Variants in TRRAP observed in about 807,000 individuals in gnomAD.
TRRAP encodes transformation/transcription domain-associated protein.
In TRRAP, 41 loss-of-function variants were observed where a neutral mutation model predicts 438.8. That is an observed-to-expected ratio of 0.09 (90% CI 0.07 to 0.12). The LOEUF is 0.12. Ranked by LOEUF, TRRAP falls within the 10% of genes least tolerant of loss-of-function variation. The pLI, the probability that TRRAP is intolerant of heterozygous loss-of-function variation, is 1.00. For missense variants in TRRAP, 3,122 were observed against 5,055.1 expected (o/e 0.62, Z 11.60); for synonymous variants, 1,994 against 1,962.9 (o/e 1.02, Z -0.42).
chr7:98,998,458 C>T (rs1289805603), intron 67 of TRRAP: 4 of 159,848 alleles, frequency 2.5e-5, no homozygotes, highest in African/African-American at 9.7e-5. Context: ...TGTAAATATC[C>T]TGTGAGGTTA....
chr7:98,918,763 G>A (rs191840811), intron 20 of TRRAP, among the ~76,000 whole-genome samples: 13 of 152,132 alleles, frequency 8.5e-5, no homozygotes, highest in African/African-American at 2.6e-4. Context: ...GTTTATTAAA[G>A]TTCATATGTT....
chr7:98,942,513 A>G (rs1554415890), intron 30 of TRRAP, among the ~76,000 whole-genome samples: 2 of 152,194 alleles, frequency 1.3e-5, no homozygotes, highest in Non-Finnish European at 1.5e-5. Flanking sequence ...AATTGTAGCT[A>G]CACACAGCAG....
At position 98,956,162 on chromosome 7, in the gene TRRAP, G is replaced by A. The variant is rs1554419703; in HGVS notation, c.5954G>A (p.Arg1985Gln). 1 of 1,612,058 alleles carries A rather than the reference G, an allele frequency of 6.2e-7. No individual in the cohort carries two copies. The highest frequency in any genetic ancestry group is 8.5e-7 in the Non-Finnish European group (1 of 1,179,894). ...CGTCCGCAGGTGTACTACCCGGTACGGCACCACTTGGTGCAGCACATGGTG... is the reference window on the plus strand; with the variant it reads ...CGTCCGCAGGTGTACTACCCGGTACAGCACCACTTGGTGCAGCACATGGTG... Reference protein sequence around the residue: ...VQHFKVYYPVRHHLVQHMVSA... With the variant: ...VQHFKVYYPVQHHLVQHMVSA... The change falls in exon 42 of 73, where the codon CGG becomes CAG. Residue 1985 changes from arginine (R) to glutamine (Q), a missense_variant. Physicochemically the swap from Arg to Gln is conservative, Grantham distance 43. Coordinates refer to ENST00000456197, the MANE Select transcript of TRRAP (RefSeq NM_001375524.1). The surrounding 1 kb of genome is among the most constrained non-coding windows in gnomAD (Gnocchi z 4.5).
rs369083125 is a variant in TRRAP at position 99,011,565 on chromosome 7, G to T, written c.11337+30G>T. 3.1e-6 allele frequency: 5 copies of T among 1,596,480 alleles called. No individual in the cohort carries two copies. The highest frequency in any genetic ancestry group is 4.5e-5 in the East Asian group (2 of 44,778). On this transcript the variant is annotated intron_variant, in intron 72 of 72. Coordinates refer to ENST00000456197, the MANE Select transcript of TRRAP (RefSeq NM_001375524.1). The surrounding 1 kb of genome is among the most constrained non-coding windows in gnomAD (Gnocchi z 7.1). ...GTCTCCACGTCGTCCTATCACAGGC[G>T]CAGGCTAGAGCCACTCAGATGCCCG...
chr7:98,993,647 C>T lies in TRRAP; in HGVS notation c.9957C>T (p.His3319=). 6.2e-7 allele frequency: 1 copy of T among 1,614,258 alleles called. No homozygotes were observed. Among genetic ancestry groups the T allele is most frequent in the Non-Finnish European group, 8.5e-7 (1 of 1,180,040 alleles). Residue 3319 remains histidine (H), a synonymous_variant, in exon 66 of 73, where the codon CAC becomes CAT. Coordinates refer to ENST00000456197, the MANE Select transcript of TRRAP (RefSeq NM_001375524.1). ...TGTGGCGCTGCAGCCGAATCATGCA[C>T]ATGCAGCGAGAGCTCCACCCCACCC... The part of the protein sequence containing the change: ...APMWRCSRIM[H]MQRELHPTLL...
At chr7:98,909,535 C>T (rs782737543) in intron 14 of TRRAP, among the ~76,000 whole-genome samples, 2 of 152,200 alleles carry the variant, frequency 1.3e-5, no homozygotes, top group Non-Finnish European at 2.9e-5. Flanking sequence ...TAGCACACTT[C>T]CTGGCAAGTA....
At chr7:98,979,729 G>A (rs1792827384) in intron 58 of TRRAP, among the ~76,000 whole-genome samples, 1 of 152,150 alleles carries the variant, frequency 6.6e-6, no homozygotes, top group South Asian at 2.1e-4. Flanking sequence ...TCTCACAGAT[G>A]CATTTCTTCT....
rs1318478678 is a variant in TRRAP, at chr7:98,970,261, G to A, written c.7662G>A (p.Arg2554=). The A allele has an allele frequency of 6.2e-7, 1 of 1,613,168 alleles. No homozygotes were observed. The highest frequency in any genetic ancestry group is 2.2e-5 in the East Asian group (1 of 44,852). The change falls in exon 52 of 73, where the codon CGG becomes CGA. Residue 2554 remains arginine (R), a synonymous_variant. Transcript: ENST00000456197. The part of the protein sequence containing the change: ...AMVTHVKQEP[R]ERENSESKEE... ...TCACACATGTCAAGCAGGAGCCCCGGGAGCGGGAGAACAGCGAGTCCAAAG... is the reference window on the plus strand; with the variant it reads ...TCACACATGTCAAGCAGGAGCCCCGAGAGCGGGAGAACAGCGAGTCCAAAG...
At chr7:98,997,482 G>GAAAAAAAAAA (rs1562977777) in intron 67 of TRRAP, among the ~76,000 whole-genome samples, 3 of 39,298 alleles carry the variant, frequency 7.6e-5, no homozygotes, top group African/African-American at 2.2e-4. Context: ...CACTGCTGTT[G>GAAAAAAAAAA]CAAAAAAAAA....
At chr7:98,931,692 G>T in intron 26 of TRRAP, 27 bp downstream of exon 26, 1 of 1,592,972 alleles carries the variant, frequency 6.3e-7, no homozygotes, top group Non-Finnish European at 8.6e-7. Flanking sequence ...CAGAACCAAG[G>T]TAATTTCAAC....
At chr7:98,974,051 T>C (rs1792538928) in intron 53 of TRRAP, among the ~76,000 whole-genome samples, 1 of 152,182 alleles carries the variant, frequency 6.6e-6, no homozygotes, top group African/African-American at 2.4e-5. Flanking sequence ...TTCTGGACAC[T>C]GGAAACACAG....
chr7:98,954,803 C>T lies in TRRAP; in HGVS notation c.5731-295C>T, dbSNP rs74624069. On this transcript the variant is annotated intron_variant, in intron 40 of 72. Coordinates refer to ENST00000456197, the MANE Select transcript of TRRAP (RefSeq NM_001375524.1). ...AGATGAGCCATGTACCTCCCTAACT[C>T]GCTGCTGGTTAGGCGGGACATGGGA... 5.5e-3 allele frequency among the ~76,000 whole-genome samples: 842 copies of T among 152,344 alleles called. 5 individuals carry two copies. The highest frequency in any genetic ancestry group is 0.019 in the African/African-American group (798 of 41,586).
chr7:99,006,501 A>C (rs1263596655), intron 69 of TRRAP, among the ~76,000 whole-genome samples: 1 of 152,202 alleles, frequency 6.6e-6, no homozygotes, highest in East Asian at 1.9e-4. Flanking sequence ...CTTGGTCAGC[A>C]CAGAATGGTG....
intron 51 of TRRAP, among the ~76,000 whole-genome samples, chr7:98,968,356 C>T (rs530951300): frequency 2.0e-5 from 3 of 152,308 alleles, no homozygotes; most frequent in Non-Finnish European, 4.4e-5. Context: ...AGCAGCCGGG[C>T]CAGGGCCTGA....
chr7:98,959,486 C>T lies in TRRAP; in HGVS notation c.6485C>T (p.Thr2162Ile), dbSNP rs1054073845. The stretch of plus-strand genomic sequence containing the variant: ...CAGTGGTTCGACAAGCTGCTGATGA[C>T]TGTGGTGAGTGCGAGTGTCTGAAGG... ...KLQWFDKLLM[T>I]VEQPNQVNYG... Residue 2162 changes from threonine to isoleucine, a missense_variant, in exon 45 of 73, where the codon ACT becomes ATT. Thr to Ile is a moderately conservative substitution (Grantham distance 89). This residue lies in a region of TRRAP where 992 missense variants were observed against 1,281.2 expected (regional missense o/e 0.77). Transcript: ENST00000456197. The T allele has an allele frequency of 6.2e-7, 1 of 1,613,428 alleles. No individual in the cohort carries two copies.
rs564107944 is a variant in TRRAP, at chr7:98,930,519, G to C, written c.3394-114G>C. ...CTTGAACCTGGGAGATGGAGGTTGC[G>C]GTGAGCCGAGATCACACCATTGCAC... On this transcript the variant is annotated intron_variant, in intron 24 of 72. Coordinates refer to ENST00000456197, the MANE Select transcript of TRRAP (RefSeq NM_001375524.1). 7,433 of 1,356,068 alleles carry C rather than the reference G, an allele frequency of 5.5e-3. 45 individuals are homozygous for C. The highest frequency in any genetic ancestry group is 7.2e-3 in the Non-Finnish European group (7,073 of 980,846). 84.0% of individuals were successfully genotyped at this position (1,356,068 alleles called of 1,614,324 possible). A position where few individuals can be genotyped will look rare whatever the true frequency, so the allele number is the denominator to read the frequency against.
In TRRAP at chr7:98,899,660, C is replaced by T. The variant is rs1796383532; in HGVS notation, c.712-19C>T. The stretch of plus-strand genomic sequence containing the variant: ...TAGCAGAGTGTCAATGTATGAAAAT[C>T]TGGTATGTTTGCTTTTAGCTCTACA... On this transcript the variant is annotated intron_variant, in intron 9 of 72. Coordinates refer to ENST00000456197, the MANE Select transcript of TRRAP (RefSeq NM_001375524.1). 1 of 1,614,036 alleles carries T rather than the reference C, an allele frequency of 6.2e-7. No homozygotes were observed. The highest frequency in any genetic ancestry group is 1.6e-4 in the Middle Eastern group (1 of 6,062).
intron 3 of TRRAP, among the ~76,000 whole-genome samples, chr7:98,887,756 A>T (rs974346006): frequency 6.9e-6 from 1 of 145,722 alleles, no homozygotes; most frequent in Admixed American, 7.0e-5. Context: ...AAAAACTGCA[A>T]TGGTTTTCTT....
At chr7:98,945,529 A>G (rs1301629469) in intron 31 of TRRAP, among the ~76,000 whole-genome samples, 1 of 152,184 alleles carries the variant, frequency 6.6e-6, no homozygotes, top group Non-Finnish European at 1.5e-5. Context: ...GAAGAATTCC[A>G]CTGTTAGACA....
Sources: allele counts gnomAD v4.1 joint callset (sites outside exome capture counted in the v4.1 genomes callset), GRCh38; gene constraint gnomAD v4.1.1; regional missense constraint gnomAD v4.1.1; non-coding constraint Gnocchi (gnomAD v3.1); transcripts MANE v1.5; gene names NCBI Gene and HGNC (gene_info 2026-07-23, HGNC 2026-07-21).